The following HAUS4 variants were observed in gnomAD, a reference collection of about 807,000 sequenced individuals.
HAUS4 encodes HAUS augmin-like complex subunit 4.
HAUS4 carries 34 observed loss-of-function variants against 50.6 expected under a neutral mutation model. The ratio of observed to expected loss-of-function variants is 0.67; its 90% CI spans 0.51 to 0.90. HAUS4 has a LOEUF of 0.90. Ranked by LOEUF, HAUS4 falls within the 40% of genes least tolerant of loss-of-function variation. The pLI is 0.00. For missense variants in HAUS4, 370 were observed against 428.7 expected, an observed-to-expected ratio of 0.86 and a Z score of 1.21; for synonymous variants, 149 against 161.4, an observed-to-expected ratio of 0.92 and a Z score of 0.58.
rs772856507 is a variant in HAUS4 at position 22,946,569 on chromosome 14, T to G, written c.1048A>C (p.Asn350His). The change falls in exon 10 of 10, where the codon AAC (asparagine) becomes CAC (histidine). Residue 350 changes from asparagine to histidine, a missense_variant. By Grantham distance (68) the Asn-to-His change is moderately conservative. Transcript: ENST00000541587. ...AACTCCTGGAGGGCCCACCGCTTGT[T>G]CTCTGTTGCCTGCTTGAGTACGGTG... ...EYTVLKQATE[N>H]KRWALQEFSK... 4.3e-6 allele frequency: 7 copies of G among 1,614,042 alleles called. No homozygotes were observed. The East Asian group carries it at 1.6e-4, about 36-fold the overall frequency.
intron 6 of HAUS4, among the ~76,000 whole-genome samples, chr14:22,948,440 T>A (rs867686578): frequency 0.03 from 2,272 of 76,894 alleles, 77 homozygotes; most frequent in African/African-American, 0.1. Context: ...ACAGAGTTTT[T>A]AAAAAAAAAA....
chr14:22,954,028 A>G (rs897391590), intron 2 of HAUS4, among the ~76,000 whole-genome samples: 2 of 151,772 alleles, frequency 1.3e-5, no homozygotes, highest in African/African-American at 2.4e-5. Flanking sequence ...TTGGCCTCCC[A>G]AAGTGCTGGG....
Position 22,946,291 on chromosome 14 carries a change from A to C in HAUS4, c.*234T>G, listed in dbSNP as rs1338707592. On this transcript the variant is annotated 3_prime_UTR_variant, in exon 10 of 10. Coordinates refer to ENST00000541587, the MANE Select transcript of HAUS4 (RefSeq NM_001166269.2). ...AATACAATACAGGGCTGACACTGAC[A>C]CACAGCTATGCATAAAAATTATATA... 7.6e-6 allele frequency: 3 copies of C among 393,452 alleles called. No individual in the cohort carries two copies. Among genetic ancestry groups the C allele is most frequent in the African/African-American group, 2.0e-5 (1 of 49,130 alleles). 24.4% of individuals were successfully genotyped at this position (393,452 alleles called of 1,614,324 possible).
intron 6 of HAUS4, among the ~76,000 whole-genome samples, chr14:22,948,968 A>C (rs2139296205): frequency 6.6e-6 from 1 of 151,222 alleles, no homozygotes; most frequent in African/African-American, 2.4e-5. Context: ...CATCCTGGCC[A>C]ACATGGTGAA....
Position 22,948,454 on chromosome 14 carries a change from C to CGG in HAUS4, c.563-443_563-442dup, listed in dbSNP as rs35564273. On this transcript the variant is annotated intron_variant, in intron 6 of 9. Transcript: ENST00000541587. ...GACAGAGTTTTTAAAAAAAAAAAAG[C>CGG]GGGGGGGGGGAGGGCATCTGGTTCT... is the stretch of plus-strand genomic sequence containing the variant. Among the ~76,000 whole-genome samples, 338 of 58,944 alleles carry CGG rather than the reference C, an allele frequency of 5.7e-3. 29 individuals carry two copies. The highest frequency in any genetic ancestry group is 0.011 in the East Asian group (26 of 2,344). 38.7% of individuals were successfully genotyped at this position (58,944 alleles called of 152,430 possible). A position where few individuals can be genotyped will look rare whatever the true frequency, so the allele number is the denominator to read the frequency against.
chr14:22,951,520 T>C, intron 5 of HAUS4, 35 bp downstream of exon 5: 7 of 1,607,836 alleles, frequency 4.4e-6, no homozygotes, highest in Non-Finnish European at 6.0e-6. Flanking sequence ...AATTAAACCA[T>C]TTCATTTATT....
At chr14:22,947,123 G>T in intron 9 of HAUS4, 48 bp downstream of exon 9, 1 of 1,202,222 alleles carries the variant, frequency 8.3e-7, no homozygotes, top group Non-Finnish European at 1.2e-6. Flanking sequence ...TTTAGGGAAT[G>T]TGAGAACCAC....
chr14:22,950,916 G>GA (rs1206219590), intron 5 of HAUS4, among the ~76,000 whole-genome samples: 2 of 152,190 alleles, frequency 1.3e-5, no homozygotes, highest in African/African-American at 4.8e-5. Flanking sequence ...TAGATACTTT[G>GA]CTAACAGTGC....
In HAUS4 at chr14:22,951,537, C is replaced by T. The variant is rs762925271; in HGVS notation, c.465+18G>A. 1.3e-5 allele frequency: 21 copies of T among 1,612,910 alleles called. No homozygotes were observed. Among genetic ancestry groups the T allele is most frequent in the Non-Finnish European group, 1.8e-5 (21 of 1,179,222 alleles). On this transcript the variant is annotated intron_variant, in intron 5 of 9. Transcript: ENST00000541587. Reference sequence around the variant, plus strand: ...TTAAACCATTTCATTTATTTGGTTCCAATATCTCCCCGCCAACCTCTGAGA... The same window carrying T: ...TTAAACCATTTCATTTATTTGGTTCTAATATCTCCCCGCCAACCTCTGAGA...
chr14:22,949,997 G>A (rs1002526239), intron 6 of HAUS4, among the ~76,000 whole-genome samples: 2 of 151,690 alleles, frequency 1.3e-5, no homozygotes, highest in African/African-American at 2.4e-5. Flanking sequence ...GCGGGGTGGC[G>A]CATGCCTGTA....
At position 22,947,682 on chromosome 14, in the gene HAUS4, C is replaced by A. The variant is rs551628708; in HGVS notation, c.758G>T (p.Arg253Leu). The part of the protein sequence containing the change: ...TLLQRLLQEH[R>L]LKTQSELDRI... ...GTCTAGCTCGGATTGAGTCTTCAGCCGGTGTTCTTGAAGAAGCCTCTGCAG... is the reference window on the plus strand; with the variant it reads ...GTCTAGCTCGGATTGAGTCTTCAGCAGGTGTTCTTGAAGAAGCCTCTGCAG... Residue 253 changes from arginine to leucine, a missense_variant, in exon 8 of 10, where the codon CGG becomes CTG. Transcript: ENST00000541587. 6.2e-6 allele frequency: 10 copies of A among 1,614,078 alleles called. No individual in the cohort carries two copies. The South Asian group carries it at 1.1e-4, about 18-fold the overall frequency.
At chr14:22,951,487 A>G (rs776155290) in intron 5 of HAUS4, 68 bp downstream of exon 5, 2 of 1,561,030 alleles carry the variant, frequency 1.3e-6, no homozygotes, top group African/African-American at 1.4e-5. Flanking sequence ...TTGACAAAAA[A>G]AACATTTTAA....
At chr14:22,948,197 C>T (rs2044679746) in intron 6 of HAUS4, 184 bp from the exon 7 acceptor site, 1 of 614,228 alleles carries the variant, frequency 1.6e-6, no homozygotes, top group East Asian at 3.0e-5. Flanking sequence ...GCCTGCAATC[C>T]TAGCACTTTG....
At chr14:22,953,805 T>G (rs11845973) in intron 2 of HAUS4, among the ~76,000 whole-genome samples, 2 of 148,176 alleles carry the variant, frequency 1.3e-5, no homozygotes, top group Non-Finnish European at 3.0e-5. Flanking sequence ...TTTTTTTTTG[T>G]ATTTTTAGTA....
Position 22,952,472 on chromosome 14 carries a change from A to G in HAUS4, c.199-13T>C. 1 of 1,614,002 alleles carries G rather than the reference A, an allele frequency of 6.2e-7. No homozygotes were observed. The highest frequency in any genetic ancestry group is 8.5e-7 in the Non-Finnish European group (1 of 1,179,920). Reference sequence around the variant, plus strand: ...CTTCCTTCCATGCCTAGAAATCCAAAAAATCTCAGGTAGGAACCTCTCTCT... The same window carrying G: ...CTTCCTTCCATGCCTAGAAATCCAAGAAATCTCAGGTAGGAACCTCTCTCT... On this transcript the variant is annotated splice_polypyrimidine_tract_variant and intron_variant, in intron 3 of 9. Transcript: ENST00000541587.
chr14:22,946,625 C>G lies in HAUS4; in HGVS notation c.992G>C (p.Gly331Ala). ...TTTCACCAGCCTGTCAAACTCCTCC[C>G]CAAGGACCTCATAGGAGTTCAGGAC... is the stretch of plus-strand genomic sequence containing the variant. ...RQVLNSYEVL[G>A]EEFDRLVKEY... is the part of the protein sequence containing the mutation. Residue 331 changes from glycine (G) to alanine (A), a missense_variant, in exon 10 of 10, where the codon GGG (glycine) becomes GCG (alanine). Transcript: ENST00000541587. 1 of 1,613,878 alleles carries G rather than the reference C, an allele frequency of 6.2e-7. No individual in the cohort carries two copies. The highest frequency in any genetic ancestry group is 1.7e-5 in the Admixed American group (1 of 59,998).
intron 6 of HAUS4, chr14:22,948,318 T>C (rs1340045086): frequency 2.8e-5 from 7 of 253,354 alleles, no homozygotes; most frequent in Non-Finnish European, 5.3e-5. Context: ...TTAGGCATAC[T>C]ATGCGCCTGT....
intron 6 of HAUS4, 50 bp downstream of exon 6, chr14:22,950,263 AC>A: frequency 1.0e-6 from 1 of 993,546 alleles, no homozygotes; most frequent in South Asian, 1.3e-5. Flanking sequence ...AAAAGAGCAG[AC>A]CAGGAACCCT....
At chr14:22,952,956 T>C (rs1396788571) in intron 2 of HAUS4, among the ~76,000 whole-genome samples, 2 of 152,048 alleles carry the variant, frequency 1.3e-5, no homozygotes, top group African/African-American at 2.4e-5. Flanking sequence ...ATTAGACAAA[T>C]AGAATAAAAA....
Sources: gnomAD v4.1 joint callset for allele counts (sites outside exome capture counted in the v4.1 genomes callset) on GRCh38, gnomAD v4.1.1 for gene constraint, MANE v1.5 for transcripts, NCBI Gene and HGNC (gene_info 2026-07-23, HGNC 2026-07-21) for gene names.